Variants in CEP128 observed in about 807,000 individuals in gnomAD.
CEP128 encodes centrosomal protein 128kDa.
Under a neutral mutation model 156.7 loss-of-function variants are expected in CEP128, and 132 were observed. The observed-to-expected ratio is 0.84, with a 90% CI of 0.73 to 0.97. The LOEUF is 0.97. CEP128 is among the 50% of genes least tolerant of loss of function. The pLI is 0.00. For missense variants in CEP128, 1,252 were observed against 1,281.9 expected (o/e 0.98, Z 0.36); for synonymous variants, 469 against 448.9 (o/e 1.04, Z -0.57).
Position 80,916,461 on chromosome 14 carries a change from A to T in CEP128, c.87T>A (p.Thr29=). Residue 29 remains threonine, a synonymous_variant, in exon 3 of 25, where the codon ACT becomes ACA. Transcript: ENST00000555265. ...PWAARSTHRG[T]RSLPTVEVTE... ...TAACTTCTACTGTAGGAAGACTTCG[A>T]GTTCCCCTGTGCGTTGATCTGGCAG... The T allele has an allele frequency of 6.2e-7, 1 of 1,614,132 alleles. No homozygotes were observed. The highest frequency in any genetic ancestry group is 2.2e-5 in the East Asian group (1 of 44,882).
intron 20 of CEP128, among the ~76,000 whole-genome samples, chr14:80,561,217 A>C (rs1214888751): frequency 6.6e-6 from 1 of 152,232 alleles, no homozygotes; most frequent in Non-Finnish European, 1.5e-5. Flanking sequence ...ATTATGCAAA[A>C]TTAGCCCAAA....
chr14:80,796,068 A>C (rs1190024364), intron 13 of CEP128, among the ~76,000 whole-genome samples: 1 of 152,222 alleles, frequency 6.6e-6, no homozygotes, highest in African/African-American at 2.4e-5. Flanking sequence ...TCCTGGAAAG[A>C]GTGGTCCATA....
At chr14:80,817,373 A>G (rs761246367) in intron 13 of CEP128, among the ~76,000 whole-genome samples, 5 of 152,196 alleles carry the variant, frequency 3.3e-5, no homozygotes, top group Non-Finnish European at 7.3e-5. Flanking sequence ...GAAAAAGAGG[A>G]TACAATATAA....
intron 21 of CEP128, among the ~76,000 whole-genome samples, chr14:80,538,202 A>G (rs549691984): frequency 6.6e-6 from 1 of 152,124 alleles, no homozygotes; most frequent in Admixed American, 6.5e-5. Flanking sequence ...AGTAACTTCT[A>G]AAACGTGAAG....
Position 80,861,832 on chromosome 14 carries a change from A to G in CEP128, c.762+925T>C, listed in dbSNP as rs191980862. 1.1e-3 allele frequency among the ~76,000 whole-genome samples: 174 copies of G among 152,348 alleles called. 1 individual carries two copies. Among genetic ancestry groups the G allele is most frequent in the African/African-American group, 4.0e-3 (167 of 41,594 alleles). ...TGTAACTATAAAAGAAAACATACATATCAAATTATATAGATGAAAAATGAT... is the reference window on the plus strand; with the variant it reads ...TGTAACTATAAAAGAAAACATACATGTCAAATTATATAGATGAAAAATGAT... On this transcript the variant is annotated intron_variant, in intron 9 of 24. Transcript: ENST00000555265.
At chr14:80,756,586 T>A (rs1205336063) in intron 18 of CEP128, among the ~76,000 whole-genome samples, 1 of 152,154 alleles carries the variant, frequency 6.6e-6, no homozygotes, top group Non-Finnish European at 1.5e-5. Flanking sequence ...GCACAAACAA[T>A]AGAATTAGCT....
intron 16 of CEP128, among the ~76,000 whole-genome samples, chr14:80,770,442 A>G (rs1394861582): frequency 1.3e-5 from 2 of 152,090 alleles, no homozygotes; most frequent in Non-Finnish European, 2.9e-5. Flanking sequence ...TTTGCATTCT[A>G]TACTGTTTTC....
chr14:80,526,894 G>T lies in CEP128; in HGVS notation c.3047C>A (p.Thr1016Asn), dbSNP rs1001570537. 1.2e-6 allele frequency: 2 copies of T among 1,606,312 alleles called. No individual in the cohort carries two copies. The highest frequency in any genetic ancestry group is 1.7e-4 in the Middle Eastern group (1 of 6,056). Residue 1016 changes from threonine (T) to asparagine (N), a missense_variant, in exon 23 of 25, where the codon ACC becomes AAC. Transcript: ENST00000555265. ...TTTGAAACTTTTGGTTCTGTACTTG[G>T]TGTCATCTTGGTGATGCTGAAGAGA... ...RNSLQHHQDDTKYRTKSFKGD... is the reference protein window; with the variant it reads ...RNSLQHHQDDNKYRTKSFKGD...
At chr14:80,738,439 T>G (rs1279145154) in intron 19 of CEP128, among the ~76,000 whole-genome samples, 1 of 152,164 alleles carries the variant, frequency 6.6e-6, no homozygotes, top group Non-Finnish European at 1.5e-5. Context: ...CATTAAAAAG[T>G]TGAGAACACT....
intron 9 of CEP128, among the ~76,000 whole-genome samples, chr14:80,859,615 A>G (rs1157309929): frequency 1.3e-5 from 2 of 152,184 alleles, no homozygotes; most frequent in African/African-American, 2.4e-5. Context: ...TCAATAGCAC[A>G]TGAGTAGCTG....
chr14:80,874,628 T>C (rs1450592593), intron 8 of CEP128, among the ~76,000 whole-genome samples: 1 of 152,214 alleles, frequency 6.6e-6, no homozygotes, highest in East Asian at 1.9e-4. Context: ...GTTTGTTTGT[T>C]TGTTTCTGAG....
chr14:80,892,732 G>A (rs1046530401), intron 8 of CEP128, among the ~76,000 whole-genome samples: 1 of 151,730 alleles, frequency 6.6e-6, no homozygotes, highest in Non-Finnish European at 1.5e-5. Context: ...TTTTTAAACA[G>A]GCAAAGAATC....
chr14:80,549,900 C>T (rs1890142026), intron 21 of CEP128, among the ~76,000 whole-genome samples: 1 of 152,132 alleles, frequency 6.6e-6, no homozygotes, highest in Admixed American at 6.5e-5. Flanking sequence ...TTGTCTACTC[C>T]AACACAGACA....
In CEP128 at chr14:80,505,729, G is replaced by A. The variant is rs141875473; in HGVS notation, c.3073-709C>T. On this transcript the variant is annotated intron_variant, in intron 23 of 24. Transcript: ENST00000555265. ...TTTAAATAATTTTACTAATAAAATA[G>A]ATTTAAAATACGTGTTTAATATACT... Among the ~76,000 whole-genome samples, 295 of 152,252 alleles carry A rather than the reference G, an allele frequency of 1.9e-3. 3 individuals are homozygous for A. Among genetic ancestry groups the A allele is most frequent in the African/African-American group, 6.9e-3 (286 of 41,540 alleles).
At chr14:80,930,637 G>A (rs912076697) in intron 2 of CEP128, among the ~76,000 whole-genome samples, 1 of 152,200 alleles carries the variant, frequency 6.6e-6, no homozygotes, top group Non-Finnish European at 1.5e-5. Context: ...GTGATGACCA[G>A]CTATGCAATA....
chr14:80,698,798 G>A (rs1001562024), intron 19 of CEP128, among the ~76,000 whole-genome samples: 1 of 151,914 alleles, frequency 6.6e-6, no homozygotes, highest in African/African-American at 2.4e-5. Context: ...AAATATTAAA[G>A]TATCAATGAC....
At chr14:80,844,843 G>T (rs1163632572) in intron 9 of CEP128, among the ~76,000 whole-genome samples, 1 of 150,294 alleles carries the variant, frequency 6.7e-6, no homozygotes, top group Non-Finnish European at 1.5e-5. Flanking sequence ...CTTGGTGGAA[G>T]AGATGGATGC....
chr14:80,703,713 A>G (rs1897147006), intron 19 of CEP128, among the ~76,000 whole-genome samples: 1 of 152,058 alleles, frequency 6.6e-6, no homozygotes, highest in African/African-American at 2.4e-5. Context: ...ATTGGATATC[A>G]CGACTAGAAA....
chr14:80,498,069 T>C (rs535924573), intron 24 of CEP128, among the ~76,000 whole-genome samples: 1 of 152,194 alleles, frequency 6.6e-6, no homozygotes, highest in African/African-American at 2.4e-5. Context: ...TGTGAAATCT[T>C]CTCTCCTTAT....
Sources: allele counts gnomAD v4.1 joint callset (sites outside exome capture counted in the v4.1 genomes callset), GRCh38; gene constraint gnomAD v4.1.1; transcripts MANE v1.5; gene names NCBI Gene and HGNC (gene_info 2026-07-23, HGNC 2026-07-21).